Variants in LPA observed in about 807,000 individuals in gnomAD.
LPA encodes the protein lipoprotein(a), also known as apolipoprotein(a).
Under a neutral mutation model 197.9 loss-of-function variants are expected in LPA, and 199 were observed. The ratio of observed to expected loss-of-function variants is 1.01; its 90% CI spans 0.90 to 1.13. The LOEUF (loss-of-function observed/expected upper bound fraction) is 1.13, where lower values mean the gene tolerates loss of function less well. LPA is among the 50% of genes most tolerant of loss of function. LPA has a pLI of 0.00. For synonymous variants in LPA, 715 were observed against 639.5 expected (o/e 1.12, Z -1.78); for missense variants, 1,853 against 1,785.8 (o/e 1.04, Z -0.68).
rs565935890 is a variant in LPA, at chr6:160,608,546, C to T, written c.2604-1888G>A. Among the ~76,000 whole-genome samples, 80 of 152,120 alleles carry T rather than the reference C, an allele frequency of 5.3e-4. 2 individuals are homozygous for T. Among genetic ancestry groups the T allele is most frequent in the Non-Finnish European group, 4.0e-4 (27 of 68,014 alleles). The stretch of plus-strand genomic sequence containing the variant: ...TGTTATTATATCTTTGTCTTCTTAC[C>T]GTGAAAATGTGAAGTACAAAAGTGC... On this transcript the variant is annotated intron_variant, in intron 16 of 38. Coordinates refer to ENST00000316300, the MANE Select transcript of LPA (RefSeq NM_005577.4).
At chr6:160,578,182 C>G (rs527423257) in intron 27 of LPA, among the ~76,000 whole-genome samples, 1 of 152,260 alleles carries the variant, frequency 6.6e-6, no homozygotes, top group East Asian at 1.9e-4. Context: ...ACTGGAAAGG[C>G]TTATTGGCTT....
chr6:160,593,035 C>A (rs1184891526), intron 22 of LPA, among the ~76,000 whole-genome samples: 1 of 152,196 alleles, frequency 6.6e-6, no homozygotes, highest in Non-Finnish European at 1.5e-5. Context: ...TTAGCCAAAG[C>A]CTTGAGAAGA....
chr6:160,566,973 G>A (rs573477893), intron 28 of LPA, among the ~76,000 whole-genome samples: 29 of 152,268 alleles, frequency 1.9e-4, no homozygotes, highest in Non-Finnish European at 1.2e-4. Context: ...ACCCAATACA[G>A]GAGCACCTAG....
chr6:160,563,808 C>G (rs1037810322), intron 28 of LPA, among the ~76,000 whole-genome samples: 1 of 152,150 alleles, frequency 6.6e-6, no homozygotes, highest in Non-Finnish European at 1.5e-5. Flanking sequence ...ATACTTTTAC[C>G]ATTAGGTAAT....
In LPA at chr6:160,557,562, G is replaced by T; in HGVS notation, c.4641C>A (p.Thr1547=). The T allele has an allele frequency of 1.2e-6, 2 of 1,613,986 alleles. No homozygotes were observed. The highest frequency in any genetic ancestry group is 8.5e-7 in the Non-Finnish European group (1 of 1,179,980). The change falls in exon 29 of 39, where the codon ACC becomes ACA. Residue 1547 remains threonine, a synonymous_variant. Transcript: ENST00000316300. ...TPENYPNAGL[T]ENYCRNPDSG... ...AATCTGGATTCCTGCAGTAGTTCTC[G>T]GTCAGGCCACTGCAAATTCCAAAAC... is the stretch of plus-strand genomic sequence containing the variant.
At chr6:160,590,800 C>A in intron 23 of LPA, 144 bp downstream of exon 23, 1 of 1,141,946 alleles carries the variant, frequency 8.8e-7, no homozygotes, top group Non-Finnish European at 1.3e-6. Flanking sequence ...CCAGAGAAGG[C>A]GCTGAGGCTT....
intron 20 of LPA, among the ~76,000 whole-genome samples, chr6:160,597,583 C>T (rs1779158170): frequency 6.6e-6 from 1 of 152,158 alleles, no homozygotes; most frequent in South Asian, 2.1e-4. Flanking sequence ...GGGAGACCAT[C>T]CAGTGAATTT....
chr6:160,607,218 A>G (rs1339903971), intron 16 of LPA, among the ~76,000 whole-genome samples: 1 of 152,086 alleles, frequency 6.6e-6, no homozygotes, highest in East Asian at 1.9e-4. Context: ...TTTCCCATGG[A>G]AAAGCACTGT....
rs1778100922 is a variant in LPA at position 160,547,925 on chromosome 6, C to T, written c.5168G>A (p.Gly1723Glu). Residue 1723 changes from glycine (G) to glutamate (E), a missense_variant, in exon 32 of 39, where the codon GGG (glycine) becomes GAG (glutamate). By Grantham distance (98) the Gly-to-Glu change is moderately conservative. This residue lies in a region of LPA where 1,737 missense variants were observed against 1,504.4 expected (regional missense o/e 1.15). Coordinates refer to ENST00000316300, the MANE Select transcript of LPA (RefSeq NM_005577.4). ...GPPSEQDCMF[G>E]NGKGYRGKKA... ...CTTGCCCCGGTATCCTTTCCCATTCCCAAACATACAGTCTGTAGAAAAAAA... is the reference window on the plus strand; with the variant it reads ...CTTGCCCCGGTATCCTTTCCCATTCTCAAACATACAGTCTGTAGAAAAAAA... 2.5e-6 allele frequency: 4 copies of T among 1,613,814 alleles called. No homozygotes were observed. The highest frequency in any genetic ancestry group is 1.3e-5 in the African/African-American group (1 of 74,802).
chr6:160,566,090 A>C (rs1270232055), intron 28 of LPA, among the ~76,000 whole-genome samples: 2 of 152,228 alleles, frequency 1.3e-5, no homozygotes, highest in Non-Finnish European at 2.9e-5. Flanking sequence ...GAATGGAACC[A>C]AGTTGGAAAA....
intron 18 of LPA, among the ~76,000 whole-genome samples, chr6:160,604,172 C>G (rs139688756): frequency 1.2e-4 from 18 of 152,266 alleles, no homozygotes; most frequent in Middle Eastern, 3.4e-3. Context: ...CCTATAAAAT[C>G]CTAGCTACCA....
chr6:160,661,055 G>A (rs1234620992), intron 1 of LPA, among the ~76,000 whole-genome samples: 1 of 150,660 alleles, frequency 6.6e-6, no homozygotes, highest in Non-Finnish European at 1.5e-5. Flanking sequence ...CCCATTGCAA[G>A]GCTACTGAGC....
intron 28 of LPA, among the ~76,000 whole-genome samples, chr6:160,559,997 T>C (rs1303893857): frequency 1.3e-5 from 2 of 152,212 alleles, no homozygotes; most frequent in African/African-American, 4.8e-5. Context: ...TGTCCATGTG[T>C]TCTCATTGTT....
intron 20 of LPA, among the ~76,000 whole-genome samples, chr6:160,599,118 C>T (rs1340098032): frequency 3.9e-5 from 6 of 152,084 alleles, no homozygotes; most frequent in South Asian, 4.1e-4. Context: ...CTGAGGCAGG[C>T]GGATCACGAG....
chr6:160,634,973 G>T, intron 7 of LPA, 150 bp downstream of exon 7: 1 of 1,496,508 alleles, frequency 6.7e-7, no homozygotes, highest in Admixed American at 1.7e-5. Flanking sequence ...GGCTCCCCCA[G>T]AGAGTACACG....
chr6:160,647,711 G>C (rs560551398), intron 2 of LPA, among the ~76,000 whole-genome samples: 2 of 152,198 alleles, frequency 1.3e-5, no homozygotes, highest in East Asian at 3.9e-4. Flanking sequence ...TCGTGCATGA[G>C]GTAAGAAACT....
intron 28 of LPA, among the ~76,000 whole-genome samples, chr6:160,570,225 G>T (rs1207404597): frequency 1.3e-5 from 2 of 152,132 alleles, no homozygotes; most frequent in Non-Finnish European, 2.9e-5. Context: ...GCAAAGACTT[G>T]GAACCAACAC....
chr6:160,652,506 A>G (rs1365483472), intron 1 of LPA, among the ~76,000 whole-genome samples: 2 of 152,184 alleles, frequency 1.3e-5, no homozygotes, highest in Non-Finnish European at 2.9e-5. Flanking sequence ...AAGCTGAAAG[A>G]CAACAGCAAC....
intron 2 of LPA, among the ~76,000 whole-genome samples, chr6:160,647,609 C>T (rs1479071644): frequency 6.6e-6 from 1 of 152,108 alleles, no homozygotes; most frequent in African/African-American, 2.4e-5. Flanking sequence ...TATTATACAA[C>T]AAACCTCAGA....
Sources: allele counts gnomAD v4.1 joint callset (sites outside exome capture counted in the v4.1 genomes callset), GRCh38; gene constraint gnomAD v4.1.1; regional missense constraint gnomAD v4.1.1; transcripts MANE v1.5; gene names NCBI Gene and HGNC (gene_info 2026-07-23, HGNC 2026-07-21).